The following CHGB variants were observed in gnomAD, a reference collection of about 807,000 sequenced individuals.
CHGB encodes the protein chromogranin B, also known as secretogranin-1.
In CHGB, 46 loss-of-function variants were observed where a neutral mutation model predicts 69.9. The observed-to-expected ratio is 0.66, with a 90% CI of 0.52 to 0.84. The LOEUF (loss-of-function observed/expected upper bound fraction) is 0.84. CHGB is among the 40% of genes least tolerant of loss of function. CHGB has a pLI of 0.00. For synonymous variants in CHGB, 312 were observed against 298.2 expected, an observed-to-expected ratio of 1.05 and a Z score of -0.48; for missense variants, 796 against 822.2, an observed-to-expected ratio of 0.97 and a Z score of 0.39.
intron 2 of CHGB, 81 bp downstream of exon 2, chr20:5,916,453 C>A: frequency 8.3e-7 from 1 of 1,198,090 alleles, no homozygotes; most frequent in Non-Finnish European, 1.2e-6. Flanking sequence ...CCAAACCAAA[C>A]ACACGCATGA....
intron 3 of CHGB, chr20:5,917,452 T>G (rs536677707): frequency 6.3e-6 from 1 of 158,198 alleles, no homozygotes; most frequent in Admixed American, 6.0e-5. Flanking sequence ...ACACAACAAA[T>G]TAGCTAAGAT....
chr20:5,912,203 T>C (rs1568548760), intron 1 of CHGB, among the ~76,000 whole-genome samples: 1 of 152,208 alleles, frequency 6.6e-6, no homozygotes, highest in Non-Finnish European at 1.5e-5. Context: ...GATATATCCC[T>C]TTTCTTAACA....
intron 1 of CHGB, among the ~76,000 whole-genome samples, chr20:5,915,305 G>T (rs1600211058): frequency 6.6e-6 from 1 of 152,322 alleles, no homozygotes; most frequent in African/African-American, 2.4e-5. Context: ...ACTGTTTTAA[G>T]ATAGGCGGAA....
intron 1 of CHGB, among the ~76,000 whole-genome samples, chr20:5,912,679 G>A (rs956181889): frequency 8.6e-5 from 13 of 151,856 alleles, no homozygotes; most frequent in Non-Finnish European, 1.9e-4. Flanking sequence ...GTCACCTACC[G>A]GTATTGAGAT....
At chr20:5,918,335 T>G (rs2088491080) in intron 3 of CHGB, among the ~76,000 whole-genome samples, 1 of 151,294 alleles carries the variant, frequency 6.6e-6, no homozygotes, top group South Asian at 2.1e-4. Context: ...TGAACTGAGA[T>G]CGTGGCATTC....
At chr20:5,916,244 T>C (rs2088474712) in intron 1 of CHGB, 82 bp from the exon 2 acceptor site, 5 of 1,007,938 alleles carry the variant, frequency 5.0e-6, no homozygotes, top group South Asian at 4.2e-5. Flanking sequence ...CAACAACTAA[T>C]GTGGGGTGAT....
Position 5,923,840 on chromosome 20 carries a change from T to C in CHGB, c.1696T>C (p.Tyr566His). The C allele has an allele frequency of 6.2e-7, 1 of 1,614,134 alleles. No individual in the cohort carries two copies. Among genetic ancestry groups the C allele is most frequent in the Non-Finnish European group, 8.5e-7 (1 of 1,180,022 alleles). ...TLNEKNFFPE[Y>H]NYDWWEKKPF... Reference sequence around the variant, plus strand: ...GAACGAGAAGAATTTCTTCCCAGAATACAACTATGACTGGTGGGAGAAAAA... The same window carrying C: ...GAACGAGAAGAATTTCTTCCCAGAACACAACTATGACTGGTGGGAGAAAAA... Residue 566 changes from tyrosine to histidine, a missense_variant, in exon 4 of 5, where the codon TAC becomes CAC. Around this residue, in one of 3 missense-constraint regions of CHGB, gnomAD observed 274 missense variants for 298.9 expected, o/e 0.92. Transcript: ENST00000378961.
rs547771228 is a variant in CHGB at position 5,923,580 on chromosome 20, C to T, written c.1436C>T (p.Ala479Val). ...RNYLNYGEEGAPGKWQQQGDL... is the reference protein window; with the variant it reads ...RNYLNYGEEGVPGKWQQQGDL... ...TATCTCAACTACGGTGAGGAAGGAG[C>T]CCCAGGGAAGTGGCAGCAGCAGGGA... Residue 479 changes from alanine to valine, a missense_variant, in exon 4 of 5, where the codon GCC becomes GTC. Transcript: ENST00000378961. 1.9e-6 allele frequency: 3 copies of T among 1,614,036 alleles called. No individual in the cohort carries two copies. The South Asian group carries it at 3.3e-5, about 18-fold the overall frequency.
rs143107119 is a variant in CHGB at position 5,916,917 on chromosome 20, C to T, written c.188C>T (p.Thr63Met). ...CCTGAGTGCCGCCAAGTCCTGAAGA[C>T]GAGTAAGTGTCCCACACGGCAGGCA... is the stretch of plus-strand genomic sequence containing the variant. ...ITPECRQVLK[T>M]SRKDVKDKET... The change falls in exon 3 of 5, where the codon ACG (threonine) becomes ATG (methionine). Residue 63 changes from threonine (T) to methionine (M), a missense_variant and splice_region_variant. Transcript: ENST00000378961. The T allele has an allele frequency of 2.2e-5, 35 of 1,614,042 alleles. No homozygotes were observed. Among genetic ancestry groups the T allele is most frequent in the East Asian group, 4.5e-5 (2 of 44,880 alleles).
In CHGB at chr20:5,922,823, G is replaced by A; in HGVS notation, c.679G>A (p.Glu227Lys). The change falls in exon 4 of 5, where the codon GAG becomes AAG. Residue 227 changes from glutamate (E) to lysine (K), a missense_variant. Transcript: ENST00000378961. ...AACACATGCTGCCGGGCATTCTCAG[G>A]AGAAGACACATAGCCGAGAGAAGAG... ...SETHAAGHSQEKTHSREKSSQ... is the reference protein window; with the variant it reads ...SETHAAGHSQKKTHSREKSSQ... The A allele has an allele frequency of 6.2e-7, 1 of 1,614,118 alleles. No homozygotes were observed. Among genetic ancestry groups the A allele is most frequent in the Non-Finnish European group, 8.5e-7 (1 of 1,180,020 alleles).
At chr20:5,915,213 C>T (rs939428980) in intron 1 of CHGB, among the ~76,000 whole-genome samples, 1 of 152,088 alleles carries the variant, frequency 6.6e-6, no homozygotes, top group Non-Finnish European at 1.5e-5. Flanking sequence ...AGAATCAAAG[C>T]AGCTTTGAGA....
At chr20:5,920,910 G>A (rs1223804110) in intron 3 of CHGB, among the ~76,000 whole-genome samples, 1 of 152,208 alleles carries the variant, frequency 6.6e-6, no homozygotes, top group East Asian at 1.9e-4. Context: ...GAGAGGTACA[G>A]AGAGTCCACT....
At chr20:5,913,462 A>G (rs747028403) in intron 1 of CHGB, among the ~76,000 whole-genome samples, 2 of 152,158 alleles carry the variant, frequency 1.3e-5, no homozygotes, top group Non-Finnish European at 2.9e-5. Context: ...TCAAGAAACC[A>G]TCTAGCTCAT....
rs2056234159 is a variant in CHGB at position 5,922,919 on chromosome 20, A to T, written c.775A>T (p.Ser259Cys). ...HPQESKGQPRSQEESEEGEED... is the reference protein window; with the variant it reads ...HPQESKGQPRCQEESEEGEED... ...CCAGGAGTCTAAAGGCCAACCCCGA[A>T]GCCAGGAAGAATCTGAGGAAGGTGA... Residue 259 changes from serine to cysteine, a missense_variant, in exon 4 of 5, where the codon AGC becomes TGC. Around this residue, in one of 3 missense-constraint regions of CHGB, gnomAD observed 518 missense variants for 506.3 expected, o/e 1.02. Coordinates refer to ENST00000378961, the MANE Select transcript of CHGB (RefSeq NM_001819.3). The T allele has an allele frequency of 6.2e-7, 1 of 1,613,318 alleles. No individual in the cohort carries two copies. Among genetic ancestry groups the T allele is most frequent in the Non-Finnish European group, 8.5e-7 (1 of 1,179,646 alleles).
chr20:5,923,947 T>C lies in CHGB; in HGVS notation c.1803T>C (p.Tyr601=). The change falls in exon 4 of 5, where the codon TAT becomes TAC. Residue 601 remains tyrosine (Y), a synonymous_variant. Transcript: ENST00000378961. The part of the protein sequence containing the change: ...RVPKLDLKRQ[Y]DRVAQLDQLL... ...CCAAGCTGGACCTGAAAAGGCAATA[T>C]GACAGGGTGGCCCAACTGGACCAGC... is the stretch of plus-strand genomic sequence containing the variant. 1 of 1,614,064 alleles carries C rather than the reference T, an allele frequency of 6.2e-7. No individual in the cohort carries two copies. Among genetic ancestry groups the C allele is most frequent in the Non-Finnish European group, 8.5e-7 (1 of 1,180,012 alleles).
rs759470725 is a variant in CHGB at position 5,925,086 on chromosome 20, CATCACATG to C, written c.*41_*48del. On this transcript the variant is annotated 3_prime_UTR_variant, in exon 5 of 5. Transcript: ENST00000378961. ...GCGGTGGGCACTGTTAAGAAGCAGC[CATCACATG>C]ATCTGTTTTTCACCACTTCACTGAA... The C allele has an allele frequency of 5.8e-5, 82 of 1,424,994 alleles. No homozygotes were observed. The East Asian group carries it at 1.8e-3, about 32-fold the overall frequency. The allele number at this position is 1,424,994 out of a possible 1,614,324, so 88.3% of individuals were successfully genotyped here.
Position 5,922,466 on chromosome 20 carries a change from G to T in CHGB, c.322G>T (p.Gly108Trp). The T allele has an allele frequency of 6.2e-7, 1 of 1,613,798 alleles. No individual in the cohort carries two copies. The highest frequency in any genetic ancestry group is 1.1e-5 in the South Asian group (1 of 91,056). The change falls in exon 4 of 5, where the codon GGG becomes TGG. Residue 108 changes from glycine to tryptophan, a missense_variant. Gly to Trp is a radical substitution (Grantham distance 184). This residue lies in a region of CHGB where 518 missense variants were observed against 506.3 expected (regional missense o/e 1.02). Coordinates refer to ENST00000378961, the MANE Select transcript of CHGB (RefSeq NM_001819.3). The stretch of plus-strand genomic sequence containing the variant: ...CAGCAGGGGAGAGGCAGGAGCCCCA[G>T]GGGAGGAGGACATCCAAGGCCCAAC... ...SSSRGEAGAP[G>W]EEDIQGPTKA...
chr20:5,923,599 G>T lies in CHGB; in HGVS notation c.1455G>T (p.Gln485His), dbSNP rs377239257. The change falls in exon 4 of 5, where the codon CAG becomes CAT. Residue 485 changes from glutamine to histidine, a missense_variant. Gln to His is a conservative substitution (Grantham distance 24). This residue lies in a region of CHGB where 274 missense variants were observed against 298.9 expected (regional missense o/e 0.92). Coordinates refer to ENST00000378961, the MANE Select transcript of CHGB (RefSeq NM_001819.3). Reference sequence around the variant, plus strand: ...AAGGAGCCCCAGGGAAGTGGCAGCAGCAGGGAGACCTGCAGGACACTAAAG... The same window carrying T: ...AAGGAGCCCCAGGGAAGTGGCAGCATCAGGGAGACCTGCAGGACACTAAAG... ...GEEGAPGKWQ[Q>H]QGDLQDTKEN... 6 of 1,614,136 alleles carry T rather than the reference G, an allele frequency of 3.7e-6. No homozygotes were observed. The highest frequency in any genetic ancestry group is 4.2e-6 in the Non-Finnish European group (5 of 1,180,040).
At chr20:5,916,002 C>T (rs1013562848) in intron 1 of CHGB, 13 of 192,584 alleles carry the variant, frequency 6.8e-5, no homozygotes, top group Non-Finnish European at 1.2e-4. Flanking sequence ...CATGAGCCAC[C>T]GCACCCAGCC....
Sources: allele counts gnomAD v4.1 joint callset (sites outside exome capture counted in the v4.1 genomes callset), GRCh38; gene constraint gnomAD v4.1.1; regional missense constraint gnomAD v4.1.1; transcripts MANE v1.5; gene names NCBI Gene and HGNC (gene_info 2026-07-23, HGNC 2026-07-21).